GRIK2: variants seen among roughly 807,000 people sequenced by gnomAD.
The protein encoded by GRIK2 is glutamate ionotropic receptor kainate type subunit 2, also known as glutamate receptor ionotropic, kainate 2.
In GRIK2, 32 loss-of-function variants were observed where a neutral mutation model predicts 100.3. The ratio of observed to expected loss-of-function variants is 0.32; its 90% CI spans 0.24 to 0.43. The LOEUF (loss-of-function observed/expected upper bound fraction) is 0.43, where lower values mean the gene tolerates loss of function less well. Ranked by LOEUF, GRIK2 falls within the 20% of genes least tolerant of loss-of-function variation. The pLI is 1.00. For missense variants in GRIK2, 843 were observed against 1,114.9 expected, an observed-to-expected ratio of 0.76 and a Z score of 3.47; for synonymous variants, 417 against 389.4, an observed-to-expected ratio of 1.07 and a Z score of -0.83.
At chr6:101,516,899 G>A (rs1329854197) in intron 2 of GRIK2, among the ~76,000 whole-genome samples, 1 of 151,944 alleles carries the variant, frequency 6.6e-6, no homozygotes, top group Non-Finnish European at 1.5e-5. Context: ...AAATTCATAT[G>A]CTGAAACACA....
At chr6:101,764,982 C>G (rs992006337) in intron 7 of GRIK2, among the ~76,000 whole-genome samples, 24 of 152,142 alleles carry the variant, frequency 1.6e-4, no homozygotes, top group African/African-American at 5.8e-4. Context: ...ACTGCAAATC[C>G]ACACCTTCAC....
chr6:101,815,744 C>T (rs370684596), intron 9 of GRIK2, among the ~76,000 whole-genome samples: 1 of 151,916 alleles, frequency 6.6e-6, no homozygotes, highest in Non-Finnish European at 1.5e-5. Context: ...CAAAACAAAA[C>T]CTCTGGTGAC....
chr6:101,947,283 T>C (rs1034317341), intron 14 of GRIK2, among the ~76,000 whole-genome samples: 1 of 152,164 alleles, frequency 6.6e-6, no homozygotes, highest in African/African-American at 2.4e-5. Flanking sequence ...GTGTGAATTA[T>C]AGAGTATTGA....
At chr6:101,396,250 C>T (rs529534714) in intron 1 of GRIK2, among the ~76,000 whole-genome samples, 5 of 150,192 alleles carry the variant, frequency 3.3e-5, no homozygotes, top group African/African-American at 9.8e-5. Flanking sequence ...ATTCCCCCCC[C>T]CCCCAGGAAG....
chr6:101,852,482 G>A (rs765142459), intron 10 of GRIK2, among the ~76,000 whole-genome samples: 1 of 152,040 alleles, frequency 6.6e-6, no homozygotes, highest in Non-Finnish European at 1.5e-5. Flanking sequence ...GGCTTCCCCG[G>A]TTGACCAGAA....
At chr6:101,539,529 T>G (rs1304820541) in intron 2 of GRIK2, among the ~76,000 whole-genome samples, 1 of 151,746 alleles carries the variant, frequency 6.6e-6, no homozygotes, top group Non-Finnish European at 1.5e-5. Flanking sequence ...GTTAACAGTT[T>G]GGATATTTGC....
chr6:101,609,702 C>A (rs1417360656), intron 2 of GRIK2, among the ~76,000 whole-genome samples: 2 of 151,842 alleles, frequency 1.3e-5, no homozygotes, highest in Non-Finnish European at 2.9e-5. Flanking sequence ...TAAAAACTCA[C>A]ACTACATGTG....
At chr6:101,749,301 A>G (rs1028563190) in intron 7 of GRIK2, among the ~76,000 whole-genome samples, 2 of 151,868 alleles carry the variant, frequency 1.3e-5, no homozygotes, top group Admixed American at 1.3e-4. Flanking sequence ...TAGACACAAG[A>G]TTTCACCATG....
intron 7 of GRIK2, among the ~76,000 whole-genome samples, chr6:101,744,123 T>A (rs1776225370): frequency 6.6e-6 from 1 of 152,022 alleles, no homozygotes. Flanking sequence ...TTTGTGTTTT[T>A]AGTAGAGACG....
At position 101,464,448 on chromosome 6, in the gene GRIK2, A is replaced by G. The variant is rs9404108; in HGVS notation, c.115+65056A>G. On this transcript the variant is annotated intron_variant, in intron 2 of 16. Coordinates refer to ENST00000369134, the MANE Select transcript of GRIK2 (RefSeq NM_021956.5). ...AGGCATAAACTTTGCCTGTCATTAT[A>G]AGTCACTGCATTGTGCTTCATTATA... is the stretch of plus-strand genomic sequence containing the variant. Among the ~76,000 whole-genome samples, 48 of 149,440 alleles carry G rather than the reference A, an allele frequency of 3.2e-4. 1 individual carries two copies. In the East Asian group the frequency reaches 8.5e-3, roughly 27 times the overall value.
intron 2 of GRIK2, among the ~76,000 whole-genome samples, chr6:101,537,575 T>A (rs1775776858): frequency 6.6e-6 from 1 of 151,632 alleles, no homozygotes; most frequent in South Asian, 2.1e-4. Context: ...TGTGGCCAGA[T>A]GGGCATCTGT....
chr6:101,647,213 A>C (rs78995815), intron 4 of GRIK2, among the ~76,000 whole-genome samples: 18,528 of 151,938 alleles, frequency 0.12, 1,187 homozygotes, highest in Admixed American at 0.16. Flanking sequence ...AATGTAAAAA[A>C]CAAAGAGGTA....
intron 7 of GRIK2, among the ~76,000 whole-genome samples, chr6:101,752,364 C>T (rs975326892): frequency 3.3e-5 from 5 of 151,922 alleles, no homozygotes; most frequent in Non-Finnish European, 7.4e-5. Flanking sequence ...TTTGCCCCAG[C>T]CCTAAATTAG....
chr6:101,506,674 A>C (rs533116046), intron 2 of GRIK2, among the ~76,000 whole-genome samples: 1 of 152,276 alleles, frequency 6.6e-6, no homozygotes, highest in African/African-American at 2.4e-5. Context: ...TTCTAATTTT[A>C]AAGGCAGATG....
intron 2 of GRIK2, among the ~76,000 whole-genome samples, chr6:101,467,248 G>A (rs1194918695): frequency 6.6e-6 from 1 of 152,074 alleles, no homozygotes; most frequent in East Asian, 1.9e-4. Context: ...ATTTAAAAGT[G>A]AATAAGAGAA....
chr6:101,911,908 G>T (rs1310905332), intron 12 of GRIK2, among the ~76,000 whole-genome samples: 1 of 151,410 alleles, frequency 6.6e-6, no homozygotes. Context: ...ACAAAATCCT[G>T]TCCTGCTTAA....
intron 14 of GRIK2, among the ~76,000 whole-genome samples, chr6:101,945,281 T>A (rs1417166): frequency 0.034 from 5,216 of 152,224 alleles, 318 homozygotes; most frequent in African/African-American, 0.12. Context: ...ACGTTGGATT[T>A]CAAAACTAAA....
At chr6:101,660,969 G>A (rs1463115802) in intron 4 of GRIK2, among the ~76,000 whole-genome samples, 1 of 152,160 alleles carries the variant, frequency 6.6e-6, no homozygotes, top group African/African-American at 2.4e-5. Flanking sequence ...ACCCACTTGA[G>A]GAGGCATTCT....
intron 7 of GRIK2, among the ~76,000 whole-genome samples, chr6:101,790,676 G>C (rs1206295930): frequency 1.4e-4 from 20 of 147,772 alleles, no homozygotes; most frequent in Non-Finnish European, 4.5e-5. Flanking sequence ...CTCTTTTTTG[G>C]TTGTGTCTCT....
Sources: gnomAD v4.1 joint callset for allele counts (sites outside exome capture counted in the v4.1 genomes callset) on GRCh38, gnomAD v4.1.1 for gene constraint, MANE v1.5 for transcripts, NCBI Gene and HGNC (gene_info 2026-07-23, HGNC 2026-07-21) for gene names.